The following TREML4 variants were observed in gnomAD, a reference collection of about 807,000 sequenced individuals.
The protein encoded by TREML4 is triggering receptor expressed on myeloid cells like 4, also known as trem-like transcript 4 protein.
A neutral mutation model predicts 25.4 loss-of-function variants in TREML4; 25 were observed. The observed-to-expected ratio is 0.98, with a 90% CI of 0.72 to 1.37. TREML4 has a LOEUF of 1.37. Among genes scored for constraint, TREML4 ranks in the 40% most tolerant of loss-of-function variants. TREML4 has a pLI of 0.00. For synonymous variants in TREML4, 92 were observed against 87.9 expected (o/e 1.05, Z -0.26); for missense variants, 268 against 236.5 (o/e 1.13, Z -0.87).
chr6:41,235,236 T>C (rs1013470865), intron 4 of TREML4, among the ~76,000 whole-genome samples: 2 of 152,162 alleles, frequency 1.3e-5, no homozygotes, highest in Non-Finnish European at 2.9e-5. Context: ...ACACCAATGA[T>C]TACCATAAAG....
chr6:41,229,761 CAGA>C lies in TREML4; in HGVS notation c.445+194_445+196del. On this transcript the variant is annotated intron_variant, in intron 3 of 5. Coordinates refer to ENST00000341495, the MANE Select transcript of TREML4 (RefSeq NM_198153.3). ...AGAAACATGCACTATCTGATGTGATCAGAAGATCGCCATGTTCTCACGATGATG... is the reference window on the plus strand; with the variant it reads ...AGAAACATGCACTATCTGATGTGATCAGATCGCCATGTTCTCACGATGATG... 4 of 669,266 alleles carry C rather than the reference CAGA, an allele frequency of 6.0e-6. 1 individual carries two copies. The South Asian group carries it at 6.5e-5, about 11-fold the overall frequency. The allele number at this position is 669,266 out of a possible 1,614,324, so 41.5% of individuals were successfully genotyped here.
In TREML4 at chr6:41,229,714, G is replaced by A. The variant is rs76181332; in HGVS notation, c.445+143G>A. The A allele has an allele frequency of 9.6e-4, 800 of 833,764 alleles. 4 individuals are homozygous for A. The African/African-American group carries it at 0.012, about 12-fold the overall frequency. 51.6% of individuals were successfully genotyped at this position (833,764 alleles called of 1,614,324 possible). A position where few individuals can be genotyped will look rare whatever the true frequency, so the allele number is the denominator to read the frequency against. On this transcript the variant is annotated intron_variant, in intron 3 of 5. Coordinates refer to ENST00000341495, the MANE Select transcript of TREML4 (RefSeq NM_198153.3). ...CTGGGCTTGTGGGAAGCTACCTTCA[G>A]GGCCCACTGTCTCTTAGGGAGAGAA... is the stretch of plus-strand genomic sequence containing the variant.
intron 2 of TREML4, 72 bp from the exon 3 acceptor site, chr6:41,229,449 C>T: frequency 6.4e-7 from 1 of 1,552,938 alleles, no homozygotes; most frequent in South Asian, 1.1e-5. Flanking sequence ...CCTACCTCCT[C>T]TTATGTATGG....
chr6:41,228,536 A>C, intron 1 of TREML4, 46 bp downstream of exon 1: 1 of 1,588,974 alleles, frequency 6.3e-7, no homozygotes, highest in Non-Finnish European at 8.6e-7. Context: ...AGTGGGATGA[A>C]GAATGAGTGG....
Position 41,230,092 on chromosome 6 carries a change from G to A in TREML4, c.476G>A (p.Gly159Asp). 1 of 1,611,906 alleles carries A rather than the reference G, an allele frequency of 6.2e-7. No individual in the cohort carries two copies. The highest frequency in any genetic ancestry group is 1.1e-5 in the South Asian group (1 of 91,032). Residue 159 changes from glycine to aspartate, a missense_variant, in exon 4 of 6, where the codon GGC (glycine) becomes GAC (aspartate). Coordinates refer to ENST00000341495, the MANE Select transcript of TREML4 (RefSeq NM_198153.3). ...ATCACTTCTCCAGAGGGGACCTCTG[G>A]CCATCCCTCCATCAATGGCTCTGAG... The part of the protein sequence containing the change: ...VLITSPEGTS[G>D]HPSINGSETR...
In TREML4 at chr6:41,236,558, C is replaced by T. The variant is rs761558978; in HGVS notation, c.579C>T (p.Leu193=). 1.2e-6 allele frequency: 2 copies of T among 1,613,996 alleles called. No individual in the cohort carries two copies. The highest frequency in any genetic ancestry group is 4.5e-5 in the East Asian group (2 of 44,880). ...RFLVLVLCGL[L]LAKGLML Reference sequence around the variant, plus strand: ...TGGTCTTGGTGCTATGTGGACTCCTCCTGGCCAAGGGCCTGATGTTGTGAG... The same window carrying T: ...TGGTCTTGGTGCTATGTGGACTCCTTCTGGCCAAGGGCCTGATGTTGTGAG... The change falls in exon 5 of 6, where the codon CTC becomes CTT. Residue 193 remains leucine (L), a synonymous_variant. Coordinates refer to ENST00000341495, the MANE Select transcript of TREML4 (RefSeq NM_198153.3).
chr6:41,235,295 A>G (rs530054712), intron 4 of TREML4, among the ~76,000 whole-genome samples: 1 of 152,328 alleles, frequency 6.6e-6, no homozygotes, highest in Non-Finnish European at 1.5e-5. Flanking sequence ...CATAGCTACC[A>G]TAAATGTCTT....
chr6:41,228,529 G>T, intron 1 of TREML4, 39 bp downstream of exon 1: 1 of 1,597,348 alleles, frequency 6.3e-7, no homozygotes, highest in Non-Finnish European at 8.5e-7. Flanking sequence ...TGTAAGGAGT[G>T]GGATGAAGAA....
chr6:41,229,548 T>C lies in TREML4; in HGVS notation c.422T>C (p.Leu141Pro), dbSNP rs1766745504. Residue 141 changes from leucine to proline, a missense_variant, in exon 3 of 6, where the codon CTT becomes CCT. Leu to Pro is a moderately conservative substitution (Grantham distance 98). Transcript: ENST00000341495. ...CCAACCACGTCTCCTATGTGGACTC[T>C]TCCCTGGCTCCCAACAAGCACAGGT... ...PAPTTSPMWT[L>P]PWLPTSTVLI... is the part of the protein sequence containing the mutation. 1 of 1,613,616 alleles carries C rather than the reference T, an allele frequency of 6.2e-7. No homozygotes were observed.
intron 5 of TREML4, 58 bp downstream of exon 5, chr6:41,236,675 A>G (rs1175754407): frequency 2.0e-6 from 2 of 980,508 alleles, no homozygotes; most frequent in Non-Finnish European, 3.1e-6. Context: ...TTCTGTTCCT[A>G]GAAAGATGGC....
At chr6:41,236,910 GA>G (rs1336735745) in intron 5 of TREML4, 144 bp from the exon 6 acceptor site, 1 of 188,302 alleles carries the variant, frequency 5.3e-6, no homozygotes, top group Non-Finnish European at 1.1e-5. Flanking sequence ...TAGGAGACAG[GA>G]AGGGGCAGGG....
Position 41,229,059 on chromosome 6 carries a change from T to C in TREML4, c.394+15T>C. 1 of 1,601,694 alleles carries C rather than the reference T, an allele frequency of 6.2e-7. No homozygotes were observed. The highest frequency in any genetic ancestry group is 8.5e-7 in the Non-Finnish European group (1 of 1,172,132). On this transcript the variant is annotated intron_variant, in intron 2 of 5. Coordinates refer to ENST00000341495, the MANE Select transcript of TREML4 (RefSeq NM_198153.3). ...GGTGTCTCCAGGTGAGCTCTTTTCT[T>C]GAGGAAATACCTCTGTGCCACCCCC...
Position 41,228,785 on chromosome 6 carries a change from G to C in TREML4, c.135G>C (p.Lys45Asn). ...TCCTGCAATGCCAGTACTCACCCAA[G>C]AGAGGGCCCTATCAGCCCAAATCCT... is the stretch of plus-strand genomic sequence containing the variant. ...TLLLQCQYSP[K>N]RGPYQPKSWC... Residue 45 changes from lysine (K) to asparagine (N), a missense_variant, in exon 2 of 6, where the codon AAG (lysine) becomes AAC (asparagine). Transcript: ENST00000341495. 1 of 1,614,128 alleles carries C rather than the reference G, an allele frequency of 6.2e-7. No homozygotes were observed. The highest frequency in any genetic ancestry group is 1.1e-5 in the South Asian group (1 of 91,082).
At chr6:41,229,417 C>T (rs1161610787) in intron 2 of TREML4, 104 bp from the exon 3 acceptor site, 1 of 1,247,180 alleles carries the variant, frequency 8.0e-7, no homozygotes, top group African/African-American at 1.5e-5. Context: ...CTTAAGACAT[C>T]CTGAGGGTCT....
intron 4 of TREML4, among the ~76,000 whole-genome samples, chr6:41,234,075 G>A (rs2113942168): frequency 6.6e-6 from 1 of 151,760 alleles, no homozygotes; most frequent in African/African-American, 2.4e-5. Context: ...TTTACAAAAG[G>A]ACACCTTGTA....
chr6:41,229,138 A>T, intron 2 of TREML4, 94 bp downstream of exon 2: 1 of 1,127,718 alleles, frequency 8.9e-7, no homozygotes, highest in East Asian at 2.4e-5. Context: ...ATCATCCCCC[A>T]TCCTGCCAGG....
chr6:41,236,619 T>G lies in TREML4; in HGVS notation c.*35+2T>G. 6.5e-7 allele frequency: 1 copy of G among 1,538,322 alleles called. No homozygotes were observed. Among genetic ancestry groups the G allele is most frequent in the Non-Finnish European group, 9.0e-7 (1 of 1,113,016 alleles). On this transcript the variant is annotated splice_donor_variant, in intron 5 of 5. Transcript: ENST00000341495. LOFTEE classifies it low-confidence loss of function (3UTR_SPLICE). ...GCTCCTGATCTGCAGGTGCCACAGG[T>G]GAGGGGGCCTGGATTTCACCTGGGG...
At chr6:41,232,995 GAGA>G (rs1420438580) in intron 4 of TREML4, among the ~76,000 whole-genome samples, 1 of 152,198 alleles carries the variant, frequency 6.6e-6, no homozygotes, top group Non-Finnish European at 1.5e-5. Context: ...AACATGGGGT[GAGA>G]AGGAGAGACC....
intron 4 of TREML4, among the ~76,000 whole-genome samples, chr6:41,233,790 T>A: frequency 6.6e-6 from 1 of 151,438 alleles, no homozygotes; most frequent in Non-Finnish European, 1.5e-5. Context: ...ACATATTTTA[T>A]TAGGTATTTA....
Sources: allele counts gnomAD v4.1 joint callset (sites outside exome capture counted in the v4.1 genomes callset), GRCh38; gene constraint gnomAD v4.1.1; transcripts MANE v1.5; gene names NCBI Gene and HGNC (gene_info 2026-07-23, HGNC 2026-07-21).